The following GLT6D1 variants were observed in gnomAD, a reference collection of about 807,000 sequenced individuals.
GLT6D1 encodes glycosyltransferase 6 domain containing 1.
Under a neutral mutation model 12.3 loss-of-function variants are expected in GLT6D1, and 9 were observed. That is an observed-to-expected ratio of 0.73 (90% CI 0.44 to 1.27). The LOEUF (loss-of-function observed/expected upper bound fraction) is 1.27, where lower values mean the gene tolerates loss of function less well. Ranked by LOEUF, GLT6D1 falls within the 50% of genes most tolerant of loss-of-function variation. GLT6D1 has a pLI of 0.00. For synonymous variants in GLT6D1, 128 were observed against 132.3 expected (o/e 0.97, Z 0.23); for missense variants, 335 against 346.2 (o/e 0.97, Z 0.26).
chr9:135,630,092 G>A (rs568381472), intron 3 of GLT6D1, among the ~76,000 whole-genome samples: 5 of 152,062 alleles, frequency 3.3e-5, no homozygotes, highest in East Asian at 3.9e-4. Context: ...AATAAAACTC[G>A]ACATTTTATT....
intron 2 of GLT6D1, among the ~76,000 whole-genome samples, chr9:135,633,342 C>A (rs974896920): frequency 1.3e-5 from 2 of 152,136 alleles, no homozygotes; most frequent in Non-Finnish European, 2.9e-5. Context: ...CTCCACCTCC[C>A]GGGTTTAAGC....
upstream of GLT6D1, among the ~76,000 whole-genome samples, chr9:135,639,938 G>T (rs1833857880): frequency 6.6e-6 from 1 of 151,666 alleles, no homozygotes; most frequent in African/African-American, 2.4e-5. Flanking sequence ...CCGCCTCCTG[G>T]GTTCAAACAG....
intron 2 of GLT6D1, among the ~76,000 whole-genome samples, chr9:135,633,211 T>C (rs957663668): frequency 2.6e-5 from 4 of 152,150 alleles, no homozygotes; most frequent in African/African-American, 7.2e-5. Context: ...AGACAACAAA[T>C]ATTCTCGCCG....
chr9:135,632,264 C>T (rs1833665983), intron 2 of GLT6D1, among the ~76,000 whole-genome samples: 1 of 152,068 alleles, frequency 6.6e-6, no homozygotes, highest in Non-Finnish European at 1.5e-5. Flanking sequence ...TCCCAGGTAG[C>T]TGGGACCACA....
chr9:135,636,801 A>G (rs933164753), intron 2 of GLT6D1, among the ~76,000 whole-genome samples: 1 of 152,190 alleles, frequency 6.6e-6, no homozygotes, highest in Non-Finnish European at 1.5e-5. Flanking sequence ...ACTCAGCAAT[A>G]TGCATTTAGG....
intron 2 of GLT6D1, among the ~76,000 whole-genome samples, chr9:135,632,115 C>T (rs919537167): frequency 6.8e-6 from 1 of 147,680 alleles, no homozygotes; most frequent in Non-Finnish European, 1.5e-5. Context: ...TAGGCAACCT[C>T]TGTTTCATAA....
At position 135,624,388 on chromosome 9, in the gene GLT6D1, AT is replaced by A; in HGVS notation, c.539del (p.Asn180MetfsTer51). The stretch of plus-strand genomic sequence containing the variant: ...GGCCCAGGGTCTCCACCCCGAACTC[AT>A]TCTGGAAGACCTGGTTGGCAGCCAT... ...FSMAANQVFQ[N>X]EFGVETLGPL... On this transcript the variant is annotated frameshift_variant, in exon 5 of 5. Transcript: ENST00000371763. LOFTEE classifies it low-confidence loss of function (END_TRUNC). 1 of 1,614,212 alleles carries A rather than the reference AT, an allele frequency of 6.2e-7. No homozygotes were observed. The highest frequency in any genetic ancestry group is 8.5e-7 in the Non-Finnish European group (1 of 1,180,040).
At chr9:135,630,679 A>C (rs1173935635) in intron 3 of GLT6D1, among the ~76,000 whole-genome samples, 2 of 151,032 alleles carry the variant, frequency 1.3e-5, no homozygotes, top group Non-Finnish European at 2.9e-5. Flanking sequence ...AGATCACACC[A>C]TTGCACTCCA....
chr9:135,628,041 T>C (rs1281959524), intron 3 of GLT6D1, among the ~76,000 whole-genome samples: 1 of 152,198 alleles, frequency 6.6e-6, no homozygotes, highest in Non-Finnish European at 1.5e-5. Context: ...ATTTGTCATT[T>C]TGTTGTTTAA....
At chr9:135,637,406 T>G in intron 2 of GLT6D1, among the ~76,000 whole-genome samples, 1 of 151,700 alleles carries the variant, frequency 6.6e-6, no homozygotes, top group East Asian at 1.9e-4. Context: ...GCTACATGCC[T>G]AGGAGCACAG....
chr9:135,626,185 C>T lies in GLT6D1; in HGVS notation c.141G>A (p.Thr47=), dbSNP rs367832463. The change falls in exon 4 of 5, where the codon ACG becomes ACA. Residue 47 remains threonine, a synonymous_variant. Transcript: ENST00000371763. ...FHPRKRPDVI[T]KTDWLAPVLW... ...GGACAGGAGCGAGCCAGTCTGTTTT[C>T]GTTATAACATCAGGGCGTTTTCTGT... The T allele has an allele frequency of 9.3e-6, 15 of 1,613,882 alleles. No homozygotes were observed. The highest frequency in any genetic ancestry group is 6.7e-5 in the African/African-American group (5 of 74,914).
At chr9:135,629,379 G>T (rs1044278636) in intron 3 of GLT6D1, among the ~76,000 whole-genome samples, 6 of 152,030 alleles carry the variant, frequency 3.9e-5, no homozygotes, top group Admixed American at 1.3e-4. Flanking sequence ...GATTATTTAG[G>T]AGTGAACTGT....
chr9:135,626,923 C>T (rs10858138), intron 3 of GLT6D1, among the ~76,000 whole-genome samples: 65,809 of 151,964 alleles, frequency 0.43, 14,401 homozygotes, highest in East Asian at 0.61. Flanking sequence ...ATGCTCAACT[C>T]GGAAAAAGCA....
At chr9:135,626,986 T>G (rs1023310462) in intron 3 of GLT6D1, among the ~76,000 whole-genome samples, 1 of 152,170 alleles carries the variant, frequency 6.6e-6, no homozygotes, top group Non-Finnish European at 1.5e-5. Flanking sequence ...AAAAAAGTAA[T>G]AGAGGGGAAT....
chr9:135,632,611 T>G (rs950775140), intron 2 of GLT6D1, among the ~76,000 whole-genome samples: 1 of 151,734 alleles, frequency 6.6e-6, no homozygotes, highest in African/African-American at 2.4e-5. Context: ...GCAGAGAACA[T>G]CCTTGGCTGA....
chr9:135,634,456 T>TC (rs956670900), intron 2 of GLT6D1, among the ~76,000 whole-genome samples: 2 of 144,034 alleles, frequency 1.4e-5, no homozygotes, highest in Non-Finnish European at 3.0e-5. Context: ...TTTTTTTTTT[T>TC]TTTTTTTTGG....
intron 2 of GLT6D1, among the ~76,000 whole-genome samples, chr9:135,638,905 G>A (rs1588207896): frequency 6.6e-6 from 1 of 152,098 alleles, no homozygotes; most frequent in Non-Finnish European, 1.5e-5. Context: ...GGTGACATGT[G>A]CCTGTAGTCC....
At chr9:135,633,077 C>T (rs1437885654) in intron 2 of GLT6D1, among the ~76,000 whole-genome samples, 1 of 152,178 alleles carries the variant, frequency 6.6e-6, no homozygotes, top group East Asian at 1.9e-4. Flanking sequence ...TCAGCCTACA[C>T]ATACGCAGAC....
chr9:135,627,380 G>C (rs921947907), intron 3 of GLT6D1, among the ~76,000 whole-genome samples: 9 of 152,132 alleles, frequency 5.9e-5, no homozygotes, highest in Non-Finnish European at 7.4e-5. Flanking sequence ...GCTATTTACA[G>C]TTTCTCCAAA....
Sources: gnomAD v4.1 joint callset for allele counts (sites outside exome capture counted in the v4.1 genomes callset) on GRCh38, gnomAD v4.1.1 for gene constraint, MANE v1.5 for transcripts, NCBI Gene and HGNC (gene_info 2026-07-23, HGNC 2026-07-21) for gene names.